Variants in PTCH2 observed in about 807,000 individuals in gnomAD.
PTCH2 encodes the protein patched 2.
In PTCH2, 96 loss-of-function variants were observed where a neutral mutation model predicts 117.9. The observed-to-expected ratio is 0.81, with a 90% CI of 0.69 to 0.96. PTCH2 has a LOEUF of 0.96. PTCH2 is among the 50% of genes least tolerant of loss of function. The pLI, the probability that PTCH2 is intolerant of heterozygous loss-of-function variation, is 0.00. For synonymous variants in PTCH2, 615 were observed against 660.9 expected (o/e 0.93, Z 1.06); for missense variants, 1,379 against 1,562.5 (o/e 0.88, Z 1.98).
intron 2 of PTCH2, among the ~76,000 whole-genome samples, chr1:44,839,118 T>TA (rs1226580830): frequency 6.6e-6 from 1 of 151,772 alleles, no homozygotes; most frequent in African/African-American, 2.4e-5. Flanking sequence ...CTCAGGCCTG[T>TA]AATCCCAGCA....
rs1385413873 is a variant in PTCH2 at position 44,827,569 on chromosome 1, G to A, written c.2204C>T (p.Ser735Phe). Residue 735 changes from serine to phenylalanine, a missense_variant, in exon 15 of 22, where the codon TCC becomes TTC. Physicochemically the swap from Ser to Phe is radical, Grantham distance 155. Transcript: ENST00000372192. ...AFLSAQLRYF[S>F]LYEVALVTQG... is the part of the protein sequence containing the mutation. ...GGTCACCAGGGCCACCTCGTACAGG[G>A]AGAAGTACCTGAGCTGGGCGCTCAG... The A allele has an allele frequency of 7.4e-6, 12 of 1,614,152 alleles. No homozygotes were observed. The highest frequency in any genetic ancestry group is 1.0e-5 in the Non-Finnish European group (12 of 1,180,030).
At chr1:44,821,892 C>T, downstream of PTCH2, 1 of 1,365,432 alleles carries the variant, frequency 7.3e-7, no homozygotes, top group Non-Finnish European at 9.8e-7. Context: ...TGTTCACTTG[C>T]AAACTCCCCA....
chr1:44,831,297 CA>C lies in PTCH2; in HGVS notation c.618-255del, dbSNP rs1653436367. Reference sequence around the variant, plus strand: ...GGTTACCTAATACATAGAAAGGGCCCAGAAAGGCCCCACTGAGTTCCTTACC... The same window carrying C: ...GGTTACCTAATACATAGAAAGGGCCCGAAAGGCCCCACTGAGTTCCTTACC... On this transcript the variant is annotated intron_variant, in intron 5 of 21. Transcript: ENST00000372192. The surrounding 1 kb of genome is among the most constrained non-coding windows in gnomAD (Gnocchi z 4.3). Among the ~76,000 whole-genome samples, 1 of 152,176 alleles carries C rather than the reference CA, an allele frequency of 6.6e-6. No individual in the cohort carries two copies. The highest frequency in any genetic ancestry group is 1.5e-5 in the Non-Finnish European group (1 of 68,018).
chr1:44,839,455 G>GA (rs1225576209), intron 2 of PTCH2, among the ~76,000 whole-genome samples: 1 of 151,044 alleles, frequency 6.6e-6, no homozygotes, highest in African/African-American at 2.4e-5. Flanking sequence ...TGAAATAAAG[G>GA]AAAAAAGCCT....
downstream of PTCH2, chr1:44,819,899 A>C (rs181420462): frequency 9.8e-4 from 150 of 153,398 alleles, no homozygotes; most frequent in African/African-American, 3.4e-3. Flanking sequence ...AGGAAATAAG[A>C]GGCCTCAAAA....
Position 44,827,974 on chromosome 1 carries a change from G to T in PTCH2, c.1927C>A (p.Arg643=), listed in dbSNP as rs760752601. ...TCCTCCTCCTGGCCTAGAAGGTCCCGTGTGGACCCTCCAGGGCTGAAGAGC... is the reference window on the plus strand; with the variant it reads ...TCCTCCTCCTGGCCTAGAAGGTCCCTTGTGGACCCTCCAGGGCTGAAGAGC... The part of the protein sequence containing the change: ...SELFSPGGST[R]DLLGQEEETR... The change falls in exon 14 of 22, where the codon CGG becomes AGG. Residue 643 remains arginine (R), a synonymous_variant. Transcript: ENST00000372192. 6.2e-7 allele frequency: 1 copy of T among 1,614,198 alleles called. No individual in the cohort carries two copies. The highest frequency in any genetic ancestry group is 8.5e-7 in the Non-Finnish European group (1 of 1,180,030).
At position 44,831,921 on chromosome 1, in the gene PTCH2, G is replaced by A. The variant is rs1653468613; in HGVS notation, c.525+54C>T. On this transcript the variant is annotated intron_variant, in intron 4 of 21. Transcript: ENST00000372192. This position sits in a 1 kb window ranked among gnomAD's most constrained non-coding sequence, Gnocchi z 4.3. ...GCTGTGGGGCTTGCTCGGTCTCTGA[G>A]TCCTCCCACGCTACAGAAAAAGTTC... 2 of 1,576,604 alleles carry A rather than the reference G, an allele frequency of 1.3e-6. No homozygotes were observed. The highest frequency in any genetic ancestry group is 2.7e-5 in the African/African-American group (2 of 73,992).
chr1:44,834,694 G>A (rs1653609643), intron 2 of PTCH2, among the ~76,000 whole-genome samples: 1 of 152,192 alleles, frequency 6.6e-6, no homozygotes, highest in Non-Finnish European at 1.5e-5. Flanking sequence ...AGAAAATGGG[G>A]CAGAGAAAAA....
chr1:44,829,296 A>C lies in PTCH2; in HGVS notation c.1232T>G (p.Val411Gly). The C allele has an allele frequency of 1.9e-6, 3 of 1,613,678 alleles. No homozygotes were observed. The highest frequency in any genetic ancestry group is 2.5e-6 in the Non-Finnish European group (3 of 1,179,960). Residue 411 changes from valine (V) to glycine (G), a missense_variant, in exon 10 of 22, where the codon GTG becomes GGG. Transcript: ENST00000372192. The stretch of plus-strand genomic sequence containing the variant: ...GGCGCAGTCCCACCGCAGCATGGTC[A>C]CACAGGCATAGGCCAGCTGTGGGGG... ...GYLLMLAYACVTMLRWDCAQS... is the reference protein window; with the variant it reads ...GYLLMLAYACGTMLRWDCAQS...
Position 44,831,931 on chromosome 1 carries a change from G to A in PTCH2, c.525+44C>T, listed in dbSNP as rs372224358. 214 of 1,581,332 alleles carry A rather than the reference G, an allele frequency of 1.4e-4. No individual in the cohort carries two copies. The highest frequency in any genetic ancestry group is 1.0e-4 in the Admixed American group (6 of 59,914). ...TTGCTCGGTCTCTGAGTCCTCCCAC[G>A]CTACAGAAAAAGTTCTGCCTCTACT... On this transcript the variant is annotated intron_variant, in intron 4 of 21. Coordinates refer to ENST00000372192, the MANE Select transcript of PTCH2 (RefSeq NM_003738.5). This position sits in a 1 kb window ranked among gnomAD's most constrained non-coding sequence, Gnocchi z 4.3.
At position 44,832,023 on chromosome 1, in the gene PTCH2, G is replaced by C. The variant is rs1213556192; in HGVS notation, c.477C>G (p.Ile159Met). ...TAAGGGGAACTCCTGACTTGTAGCAGATTTTGTTCAAATCCCAGGACCTGC... is the reference window on the plus strand; with the variant it reads ...TAAGGGGAACTCCTGACTTGTAGCACATTTTGTTCAAATCCCAGGACCTGC... ...LYGKSWDLNK[I>M]CYKSGVPLIE... The change falls in exon 4 of 22, where the codon ATC becomes ATG. Residue 159 changes from isoleucine to methionine, a missense_variant. Transcript: ENST00000372192. The C allele has an allele frequency of 6.2e-7, 1 of 1,613,704 alleles. No individual in the cohort carries two copies. The highest frequency in any genetic ancestry group is 1.1e-5 in the South Asian group (1 of 91,070).
rs775715451 is a variant in PTCH2, at chr1:44,832,303, C to T, written c.304G>A (p.Glu102Lys). 52 of 1,614,116 alleles carry T rather than the reference C, an allele frequency of 3.2e-5. 1 individual carries two copies. In the South Asian group the frequency reaches 5.5e-4, roughly 17 times the overall value. Residue 102 changes from glutamate (E) to lysine (K), a missense_variant, in exon 3 of 22, where the codon GAG (glutamate) becomes AAG (lysine). Transcript: ENST00000372192. The part of the protein sequence containing the change: ...RVSQELHYTK[E>K]KLGEEAAYTS... ...TATGCAGCCTCCTCCCCCAGCTTCT[C>T]CTTGGTGTAATGCAGCTCCTGGCTC...
Position 44,826,424 on chromosome 1 carries a change from G to A in PTCH2, c.2977-37C>T, listed in dbSNP as rs2148873867. Reference sequence around the variant, plus strand: ...AGGGCTCACAGAGGGCTCCTGGCAGGAGGGATGACAGGCTGGGCAGGGAAG... The same window carrying A: ...AGGGCTCACAGAGGGCTCCTGGCAGAAGGGATGACAGGCTGGGCAGGGAAG... On this transcript the variant is annotated intron_variant, in intron 18 of 21. Coordinates refer to ENST00000372192, the MANE Select transcript of PTCH2 (RefSeq NM_003738.5). This position sits in a 1 kb window ranked among gnomAD's most constrained non-coding sequence, Gnocchi z 5.1. The A allele has an allele frequency of 1.2e-6, 2 of 1,614,032 alleles. No homozygotes were observed. Among genetic ancestry groups the A allele is most frequent in the Non-Finnish European group, 1.7e-6 (2 of 1,180,008 alleles).
In PTCH2 at chr1:44,831,424, C is replaced by T. The variant is rs2148879527; in HGVS notation, c.617+282G>A. Among the ~76,000 whole-genome samples the T allele has an allele frequency of 6.6e-6, 1 of 152,304 alleles. No individual in the cohort carries two copies. The highest frequency in any genetic ancestry group is 1.9e-4 in the East Asian group (1 of 5,184). On this transcript the variant is annotated intron_variant, in intron 5 of 21. Transcript: ENST00000372192. This position sits in a 1 kb window ranked among gnomAD's most constrained non-coding sequence, Gnocchi z 4.3. The stretch of plus-strand genomic sequence containing the variant: ...GGCTTAGCAAACACCTAGGTAATTT[C>T]CCCCAGCAAAGCCTCTTTGTGGGGA...
Position 44,830,587 on chromosome 1 carries a change from C to CAAAAAAAA in PTCH2, c.813+253_813+260dup, listed in dbSNP as rs768951349. 1.8e-4 allele frequency among the ~76,000 whole-genome samples: 12 copies of CAAAAAAAA among 65,172 alleles called. 1 individual carries two copies. The highest frequency in any genetic ancestry group is 5.6e-4 in the South Asian group (1 of 1,796). The allele number at this position is 65,172 out of a possible 152,430, so 42.8% of individuals were successfully genotyped here. ...CCAGCCTGGGTGACAGAGTGAGACT[C>CAAAAAAAA]AAAAAAAAAAAAAAAAAGAAGTCCA... On this transcript the variant is annotated intron_variant, in intron 6 of 21. Transcript: ENST00000372192.
Position 44,827,648 on chromosome 1 carries a change from C to A in PTCH2, c.2125G>T (p.Asp709Tyr), listed in dbSNP as rs1653223483. The A allele has an allele frequency of 6.2e-7, 1 of 1,613,300 alleles. No individual in the cohort carries two copies. The highest frequency in any genetic ancestry group is 1.3e-5 in the African/African-American group (1 of 74,946). Residue 709 changes from aspartate to tyrosine, a missense_variant, in exon 15 of 22, where the codon GAC (aspartate) becomes TAC (tyrosine). Asp to Tyr is a radical substitution (Grantham distance 160). Coordinates refer to ENST00000372192, the MANE Select transcript of PTCH2 (RefSeq NM_003738.5). ...LSLYGATLVQDGLALTDVVPR... is the reference protein window; with the variant it reads ...LSLYGATLVQYGLALTDVVPR... ...ACCACATCCGTCAGGGCCAGGCCGTCTTGCACCAAGGTGGCTCCGTAGAGG... is the reference window on the plus strand; with the variant it reads ...ACCACATCCGTCAGGGCCAGGCCGTATTGCACCAAGGTGGCTCCGTAGAGG...
Position 44,843,098 on chromosome 1 carries a change from G to C in PTCH2, c.-166C>G, listed in dbSNP as rs1654025459. The stretch of plus-strand genomic sequence containing the variant: ...GGGGTGTGGGTGTTAAAGCGGCTGG[G>C]AGGGAGGAGTGCAGGGAGCTGCGGG... On this transcript the variant is annotated 5_prime_UTR_variant, in exon 1 of 22. Transcript: ENST00000372192. 11 of 1,391,920 alleles carry C rather than the reference G, an allele frequency of 7.9e-6. No individual in the cohort carries two copies. In the South Asian group the frequency reaches 1.8e-4, roughly 23 times the overall value. 86.2% of individuals were successfully genotyped at this position (1,391,920 alleles called of 1,614,324 possible). A position where few individuals can be genotyped will look rare whatever the true frequency, so the allele number is the denominator to read the frequency against.
At chr1:44,825,059 G>C (rs1221970662) in intron 19 of PTCH2, among the ~76,000 whole-genome samples, 1 of 152,146 alleles carries the variant, frequency 6.6e-6, no homozygotes, top group Non-Finnish European at 1.5e-5. Flanking sequence ...ACACATTCCA[G>C]ACAGGATCTT....
downstream of PTCH2, chr1:44,820,761 T>A: frequency 1.4e-6 from 1 of 717,200 alleles, no homozygotes; most frequent in South Asian, 1.5e-5. Flanking sequence ...CCAGGGTTAC[T>A]CCGCTGGTAA....
Sources: gnomAD v4.1 joint callset for allele counts (sites outside exome capture counted in the v4.1 genomes callset) on GRCh38, gnomAD v4.1.1 for gene constraint, Gnocchi (gnomAD v3.1) non-coding constraint, MANE v1.5 for transcripts, NCBI Gene and HGNC (gene_info 2026-07-23, HGNC 2026-07-21) for gene names.